The following TRMT9B variants were observed in gnomAD, a reference collection of about 807,000 sequenced individuals.
TRMT9B encodes the protein tRNA methyltransferase 9B (putative).
In TRMT9B, 16 loss-of-function variants were observed where a neutral mutation model predicts 11.5. The observed-to-expected ratio is 1.39, with a 90% CI of 0.94 to 2.11. TRMT9B has a LOEUF of 2.11. Ranked by LOEUF, TRMT9B falls within the 30% of genes most tolerant of loss-of-function variation. TRMT9B has a pLI of 0.00. For missense variants in TRMT9B, 941 were observed against 553.8 expected, an observed-to-expected ratio of 1.70 and a Z score of -7.02; for synonymous variants, 274 against 192.4, an observed-to-expected ratio of 1.42 and a Z score of -3.51.
intron 1 of TRMT9B, among the ~76,000 whole-genome samples, chr8:12,947,217 C>G (rs1800310238): frequency 6.6e-6 from 1 of 152,214 alleles, no homozygotes; most frequent in African/African-American, 2.4e-5. Flanking sequence ...AATATTTTGT[C>G]TCCAGTCTCC....
In TRMT9B at chr8:13,012,791, A is replaced by G. The variant is rs534314824; in HGVS notation, c.262A>G (p.Met88Val). The G allele has an allele frequency of 1.2e-6, 2 of 1,613,968 alleles. No homozygotes were observed. The highest frequency in any genetic ancestry group is 2.2e-5 in the South Asian group (2 of 91,084). Residue 88 changes from methionine (M) to valine (V), a missense_variant, in exon 4 of 5, where the codon ATG becomes GTG. By Grantham distance (21) the Met-to-Val change is conservative. Coordinates refer to ENST00000524591, the MANE Select transcript of TRMT9B (RefSeq NM_020844.3). ...EIARNRGCEA[M>V]VCDNLNLPFR... ...TGCCCGGAATAGAGGATGTGAAGCC[A>G]TGGTATGTGACAACCTTAATCTCCC...
At chr8:13,019,593 A>C (rs60223114) in intron 4 of TRMT9B, among the ~76,000 whole-genome samples, 4,451 of 152,250 alleles carry the variant, frequency 0.029, 222 homozygotes, top group African/African-American at 0.1. Flanking sequence ...TGCACACAGC[A>C]CGGGAGATAT....
chr8:13,006,729 T>C, intron 3 of TRMT9B: 1 of 1,062,640 alleles, frequency 9.4e-7, no homozygotes, highest in South Asian at 3.8e-5. Flanking sequence ...AGTGCAGTGG[T>C]GCAATCTCAG....
chr8:12,998,224 A>G (rs188855926), intron 2 of TRMT9B, among the ~76,000 whole-genome samples: 144 of 152,228 alleles, frequency 9.5e-4, no homozygotes, highest in Non-Finnish European at 1.4e-3. Context: ...CTTCATTTTA[A>G]TATAGTCTAC....
intron 4 of TRMT9B, among the ~76,000 whole-genome samples, chr8:13,013,758 C>A (rs1812100596): frequency 1.3e-5 from 2 of 152,098 alleles, no homozygotes; most frequent in African/African-American, 4.8e-5. Flanking sequence ...CGAGACCAGC[C>A]TGGCCAACAT....
In TRMT9B at chr8:13,012,560, G is replaced by C. The variant is rs1280714499; in HGVS notation, c.155-124G>C. The C allele has an allele frequency of 7.2e-6, 9 of 1,250,546 alleles. No individual in the cohort carries two copies. In the East Asian group the frequency reaches 8.4e-5, roughly 12 times the overall value. 77.5% of individuals were successfully genotyped at this position (1,250,546 alleles called of 1,614,324 possible). ...ACTGCACTCCAGCCTGGGTGACTGA[G>C]GGAGACTCTGTCTCAAAATAAATAA... On this transcript the variant is annotated intron_variant, in intron 3 of 4. Coordinates refer to ENST00000524591, the MANE Select transcript of TRMT9B (RefSeq NM_020844.3).
intron 3 of TRMT9B, chr8:13,010,571 T>A: frequency 1.0e-6 from 1 of 985,292 alleles, no homozygotes. Context: ...TAGGGGCAAA[T>A]CAAGAGTTCT....
chr8:12,997,797 T>A (rs192201083), intron 2 of TRMT9B, among the ~76,000 whole-genome samples: 144 of 152,338 alleles, frequency 9.5e-4, no homozygotes, highest in African/African-American at 3.3e-3. Flanking sequence ...AGGCTATGCA[T>A]ATGTGTAGCT....
intron 1 of TRMT9B, among the ~76,000 whole-genome samples, chr8:12,978,765 T>A (rs552966658): frequency 7.0e-4 from 106 of 152,318 alleles, no homozygotes; most frequent in African/African-American, 2.3e-3. Context: ...AGGTTTTGAT[T>A]TGACAGATGA....
chr8:12,969,429 C>G (rs1299235084), intron 1 of TRMT9B, among the ~76,000 whole-genome samples: 1 of 152,090 alleles, frequency 6.6e-6, no homozygotes, highest in Admixed American at 6.5e-5. Flanking sequence ...AGGACCCACT[C>G]TACCCCCACA....
chr8:13,021,352 T>A lies in TRMT9B; in HGVS notation c.673T>A (p.Cys225Ser). Reference protein sequence around the residue: ...VGYEPAMARTCFANISKEGEE... With the variant: ...VGYEPAMARTSFANISKEGEE... ...CTATGAACCTGCTATGGCAAGAACC[T>A]GTTTTGCAAATATTTCTAAGGAAGG... is the stretch of plus-strand genomic sequence containing the variant. Residue 225 changes from cysteine to serine, a missense_variant, in exon 5 of 5, where the codon TGT (cysteine) becomes AGT (serine). Physicochemically the swap from Cys to Ser is moderately radical, Grantham distance 112 (BLOSUM62 -1). Coordinates refer to ENST00000524591, the MANE Select transcript of TRMT9B (RefSeq NM_020844.3). The A allele has an allele frequency of 6.2e-7, 1 of 1,614,072 alleles. No individual in the cohort carries two copies. Among genetic ancestry groups the A allele is most frequent in the Non-Finnish European group, 8.5e-7 (1 of 1,179,896 alleles).
chr8:12,977,259 T>G (rs7830329), intron 1 of TRMT9B, among the ~76,000 whole-genome samples: 87,526 of 151,922 alleles, frequency 0.58, 25,871 homozygotes, highest in East Asian at 0.73. Flanking sequence ...GATGGAGCAC[T>G]CAGCAGTGCC....
intron 3 of TRMT9B, chr8:13,006,753 C>G: frequency 1.2e-6 from 1 of 821,444 alleles, no homozygotes; most frequent in Non-Finnish European, 1.6e-6. Context: ...GCTGCAAACT[C>G]CGCCTCCCAG....
chr8:12,983,574 G>C (rs752687509), intron 1 of TRMT9B, among the ~76,000 whole-genome samples: 5 of 152,126 alleles, frequency 3.3e-5, no homozygotes, highest in Non-Finnish European at 5.9e-5. Context: ...GGAGGCTGAG[G>C]CAGGACAATC....
At chr8:13,009,347 G>A (rs1489890201) in intron 3 of TRMT9B, among the ~76,000 whole-genome samples, 1 of 152,094 alleles carries the variant, frequency 6.6e-6, no homozygotes, top group African/African-American at 2.4e-5. Flanking sequence ...GAAAAAAAAA[G>A]GGAAAACTAT....
chr8:12,961,817 C>G (rs916943241), intron 1 of TRMT9B: 5 of 152,146 alleles, frequency 3.3e-5, no homozygotes, highest in African/African-American at 1.2e-4. Context: ...CAGAGCAGCT[C>G]TGTTGCCTTA....
Position 12,991,265 on chromosome 8 carries a change from T to C in TRMT9B, c.-2+234T>C, listed in dbSNP as rs555801701. Among the ~76,000 whole-genome samples, 14 of 152,322 alleles carry C rather than the reference T, an allele frequency of 9.2e-5. No homozygotes were observed. The East Asian group carries it at 2.7e-3, about 29-fold the overall frequency. On this transcript the variant is annotated intron_variant, in intron 2 of 4. Coordinates refer to ENST00000524591, the MANE Select transcript of TRMT9B (RefSeq NM_020844.3). Reference sequence around the variant, plus strand: ...TTAGCATTTTTAGAAAGCAAAATACTTTTGTAGGACTTAAACATATTTTTA... The same window carrying C: ...TTAGCATTTTTAGAAAGCAAAATACCTTTGTAGGACTTAAACATATTTTTA...
chr8:12,979,784 A>T (rs1805057298), intron 1 of TRMT9B, among the ~76,000 whole-genome samples: 1 of 152,212 alleles, frequency 6.6e-6, no homozygotes, highest in Admixed American at 6.5e-5. Flanking sequence ...TTTAAAATTT[A>T]GTTAAAATTG....
chr8:13,003,036 A>T (rs1809756985), intron 2 of TRMT9B, among the ~76,000 whole-genome samples: 1 of 152,066 alleles, frequency 6.6e-6, no homozygotes, highest in Admixed American at 6.6e-5. Context: ...TATTTATTTG[A>T]TCATTTGCTG....
Sources: allele counts gnomAD v4.1 joint callset (sites outside exome capture counted in the v4.1 genomes callset), GRCh38; gene constraint gnomAD v4.1.1; transcripts MANE v1.5; gene names NCBI Gene and HGNC (gene_info 2026-07-23, HGNC 2026-07-21).